The following MMP26 variants were observed in gnomAD, a reference collection of about 807,000 sequenced individuals.
MMP26 encodes the protein matrix metalloproteinase-26.
In MMP26, 33 loss-of-function variants were observed where a neutral mutation model predicts 31.0. The ratio of observed to expected loss-of-function variants is 1.06; its 90% CI spans 0.81 to 1.42. The LOEUF is 1.42. Among genes scored for constraint, MMP26 ranks in the 40% most tolerant of loss-of-function variants. The pLI is 0.00. For missense variants in MMP26, 347 were observed against 316.1 expected (o/e 1.10, Z -0.74); for synonymous variants, 122 against 114.9 (o/e 1.06, Z -0.40).
At chr11:4,771,489 G>A (rs1319954194) in intron 2 of MMP26, among the ~76,000 whole-genome samples, 1 of 152,142 alleles carries the variant, frequency 6.6e-6, no homozygotes, top group Admixed American at 6.5e-5. Flanking sequence ...AATGAGAAGG[G>A]CAATTGGCTC....
chr11:4,798,587 C>G (rs141162446), intron 2 of MMP26, among the ~76,000 whole-genome samples: 1 of 152,346 alleles, frequency 6.6e-6, no homozygotes, highest in Non-Finnish European at 1.5e-5. Flanking sequence ...TTGCTGAAAT[C>G]TGAGGTAACT....
chr11:4,906,007 C>T (rs556773680), intron 2 of MMP26, among the ~76,000 whole-genome samples: 1 of 152,050 alleles, frequency 6.6e-6, no homozygotes, highest in Admixed American at 6.5e-5. Context: ...ATTTCTCTGA[C>T]TAATTAAATA....
chr11:4,987,616 C>T (rs1008770391), intron 2 of MMP26, among the ~76,000 whole-genome samples: 6 of 152,094 alleles, frequency 3.9e-5, no homozygotes, highest in Admixed American at 3.9e-4. Context: ...GACGGGGTTT[C>T]ACCGTGTTAG....
At position 4,828,225 on chromosome 11, in the gene MMP26, G is replaced by C. The variant is rs1849603730; in HGVS notation, c.-145+60884G>C. ...TTTTGAAGCCATTGTAGACTGAAGAGGTGCTCTTCATTACCTGCTAAAAAC... is the reference window on the plus strand; with the variant it reads ...TTTTGAAGCCATTGTAGACTGAAGACGTGCTCTTCATTACCTGCTAAAAAC... On this transcript the variant is annotated intron_variant, in intron 2 of 7. Transcript: ENST00000380390. Among the ~76,000 whole-genome samples, 2 of 152,078 alleles carry C rather than the reference G, an allele frequency of 1.3e-5. 1 individual carries two copies. The highest frequency in any genetic ancestry group is 4.1e-4 in the South Asian group (2 of 4,824).
At chr11:4,931,416 G>C (rs1342792645) in intron 2 of MMP26, among the ~76,000 whole-genome samples, 2 of 151,966 alleles carry the variant, frequency 1.3e-5, no homozygotes, top group African/African-American at 2.4e-5. Context: ...TGGCTGGAGA[G>C]TAAGCAGAAG....
intron 1 of MMP26, among the ~76,000 whole-genome samples, chr11:4,742,116 C>T (rs954532772): frequency 3.3e-5 from 5 of 152,186 alleles, no homozygotes; most frequent in Admixed American, 3.3e-4. Context: ...ACAAAACAGT[C>T]ACTTTAATCC....
chr11:4,870,758 A>T (rs139062894), intron 2 of MMP26, among the ~76,000 whole-genome samples: 14 of 152,236 alleles, frequency 9.2e-5, no homozygotes, highest in Non-Finnish European at 1.8e-4. Flanking sequence ...TTCATTTTAC[A>T]GTATTTCCCA....
chr11:4,762,124 C>T (rs1214061404), intron 1 of MMP26, among the ~76,000 whole-genome samples: 1 of 152,128 alleles, frequency 6.6e-6, no homozygotes, highest in East Asian at 1.9e-4. Flanking sequence ...CCAATATTTA[C>T]TTGATAAGTA....
rs535157607 is a variant in MMP26 at position 4,757,479 on chromosome 11, G to T, written c.-216-9791G>T. Among the ~76,000 whole-genome samples, 205 of 151,876 alleles carry T rather than the reference G, an allele frequency of 1.3e-3. 1 individual carries two copies. The highest frequency in any genetic ancestry group is 6.2e-3 in the South Asian group (30 of 4,816). ...GCCATTAAATAAATGATCAATATCAGACTTCAAACAAAAAAAAGTACAATT... is the reference window on the plus strand; with the variant it reads ...GCCATTAAATAAATGATCAATATCATACTTCAAACAAAAAAAAGTACAATT... On this transcript the variant is annotated intron_variant, in intron 1 of 7. Coordinates refer to ENST00000380390, the MANE Select transcript of MMP26 (RefSeq NM_021801.5).
intron 2 of MMP26, among the ~76,000 whole-genome samples, chr11:4,928,167 AG>A (rs1851299676): frequency 6.6e-6 from 1 of 152,194 alleles, no homozygotes; most frequent in Admixed American, 6.5e-5. Context: ...GCTTTAAAAA[AG>A]GAATTTTTCC....
At chr11:4,769,132 C>T (rs1338662673) in intron 2 of MMP26, 1 of 1,611,026 alleles carries the variant, frequency 6.2e-7, no homozygotes, top group South Asian at 1.1e-5. Context: ...AGCGATACAC[C>T]AAGGACAGGC....
chr11:4,908,826 T>G (rs1589935851), intron 2 of MMP26: 1 of 162,934 alleles, frequency 6.1e-6, no homozygotes, highest in Non-Finnish European at 1.3e-5. Flanking sequence ...CAGGAGGTGT[T>G]GGAATGCCAA....
At chr11:4,880,033 T>C (rs927036175) in intron 2 of MMP26, among the ~76,000 whole-genome samples, 3 of 152,068 alleles carry the variant, frequency 2.0e-5, no homozygotes, top group African/African-American at 7.2e-5. Context: ...AGGGCTCTTC[T>C]CCCAGCCCTT....
At chr11:4,908,912 G>T (rs1850948965) in intron 2 of MMP26, 1 of 155,506 alleles carries the variant, frequency 6.4e-6, no homozygotes, top group African/African-American at 2.4e-5. Context: ...GAGAGATGAG[G>T]AAGGAAGATT....
rs1849891939 is a variant in MMP26, at chr11:4,847,651, A to G, written c.-145+80310A>G. The G allele has an allele frequency of 2.0e-5, 3 of 152,334 alleles. No homozygotes were observed. In the South Asian group the frequency reaches 6.2e-4, roughly 32 times the overall value. The allele number at this position is 152,334 out of a possible 1,614,324, so 9.4% of individuals were successfully genotyped here. Reference sequence around the variant, plus strand: ...TCAAAAATATACTAACATTTTGAAAACTAAATGAAGAATTAAAAAAATTAT... The same window carrying G: ...TCAAAAATATACTAACATTTTGAAAGCTAAATGAAGAATTAAAAAAATTAT... On this transcript the variant is annotated intron_variant, in intron 2 of 7. Transcript: ENST00000380390.
intron 1 of MMP26, among the ~76,000 whole-genome samples, chr11:4,726,566 G>A (rs1001782123): frequency 5.9e-5 from 9 of 152,142 alleles, no homozygotes; most frequent in South Asian, 4.2e-4. Context: ...AAAGAGAAGC[G>A]AAGCCAATGA....
intron 2 of MMP26, among the ~76,000 whole-genome samples, chr11:4,814,419 G>A (rs1245146807): frequency 1.3e-5 from 2 of 152,032 alleles, no homozygotes; most frequent in East Asian, 3.8e-4. Context: ...GAATAAAAAA[G>A]AATGAAGAAC....
chr11:4,983,202 TC>T (rs774571733), intron 2 of MMP26, among the ~76,000 whole-genome samples: 2 of 152,190 alleles, frequency 1.3e-5, no homozygotes, highest in African/African-American at 2.4e-5. Context: ...ACTGTGTGGT[TC>T]TGTGCTGTAC....
chr11:4,924,290 G>A lies in MMP26; in HGVS notation c.-144-63778G>A, dbSNP rs376397711. 250 of 1,613,358 alleles carry A rather than the reference G, an allele frequency of 1.5e-4. No homozygotes were observed. The highest frequency in any genetic ancestry group is 2.4e-4 in the South Asian group (22 of 90,944). On this transcript the variant is annotated intron_variant, in intron 2 of 7. Transcript: ENST00000380390. ...GAGACCTTCTAGACCTTGGAAGCCC[G>A]TCAGGAAGAAAGTGGCTCTTTGGAG...
Sources: gnomAD v4.1 joint callset for allele counts (sites outside exome capture counted in the v4.1 genomes callset) on GRCh38, gnomAD v4.1.1 for gene constraint, MANE v1.5 for transcripts, NCBI Gene and HGNC (gene_info 2026-07-23, HGNC 2026-07-21) for gene names.